The following BZW2 variants were observed in gnomAD, a reference collection of about 807,000 sequenced individuals.
BZW2 encodes the protein eIF5-mimic protein 1.
A neutral mutation model predicts 53.2 loss-of-function variants in BZW2; 23 were observed. That is an observed-to-expected ratio of 0.43 (90% CI 0.31 to 0.61). The LOEUF (loss-of-function observed/expected upper bound fraction) is 0.61, where lower values mean the gene tolerates loss of function less well. BZW2 is among the 20% of genes least tolerant of loss of function. BZW2 has a pLI of 0.09. For missense variants in BZW2, 409 were observed against 503.1 expected, an observed-to-expected ratio of 0.81 and a Z score of 1.79; for synonymous variants, 227 against 186.4, an observed-to-expected ratio of 1.22 and a Z score of -1.77.
chr7:16,695,120 GTC>G, intron 8 of BZW2, 116 bp downstream of exon 8: 1 of 979,912 alleles, frequency 1.0e-6, no homozygotes, highest in East Asian at 2.8e-5. Flanking sequence ...TGTAAACTTT[GTC>G]CACTTATTCC....
intron 1 of BZW2, among the ~76,000 whole-genome samples, chr7:16,647,820 C>T (rs538482850): frequency 9.2e-5 from 14 of 152,338 alleles, no homozygotes; most frequent in Admixed American, 3.3e-4. Context: ...ATCTTACCAG[C>T]AGATGCATAC....
At chr7:16,661,661 G>A (rs539049389) in intron 1 of BZW2, among the ~76,000 whole-genome samples, 22 of 151,948 alleles carry the variant, frequency 1.4e-4, no homozygotes, top group African/African-American at 4.1e-4. Context: ...TATTCTTATC[G>A]CCTTCTTTTA....
At chr7:16,700,405 T>C (rs2128370531) in intron 10 of BZW2, among the ~76,000 whole-genome samples, 1 of 152,298 alleles carries the variant, frequency 6.6e-6, no homozygotes, top group South Asian at 2.1e-4. Flanking sequence ...CCAGGAGACA[T>C]GTATTTGATT....
rs146833365 is a variant in BZW2 at position 16,665,480 on chromosome 7, C to A, written c.37C>A (p.Arg13=). Residue 13 remains arginine (R), a synonymous_variant, in exon 2 of 12, where the codon CGG becomes AGG. Transcript: ENST00000258761. ...TCAGAAGCCAGTGCTAACAGGCCAGCGGTTCAAAACTCGGAAAAGGGGTAG... is the reference window on the plus strand; with the variant it reads ...TCAGAAGCCAGTGCTAACAGGCCAGAGGTTCAAAACTCGGAAAAGGGGTAG... The part of the protein sequence containing the change: ...KHQKPVLTGQ[R]FKTRKRDEKE... 2.4e-4 allele frequency: 395 copies of A among 1,613,770 alleles called. No individual in the cohort carries two copies. Among genetic ancestry groups the A allele is most frequent in the Non-Finnish European group, 3.2e-4 (372 of 1,179,974 alleles).
intron 10 of BZW2, among the ~76,000 whole-genome samples, chr7:16,704,276 A>G (rs1320984215): frequency 6.6e-6 from 1 of 152,186 alleles, no homozygotes; most frequent in African/African-American, 2.4e-5. Context: ...TAGCACTGTG[A>G]GAGATTTCCA....
At chr7:16,665,362 C>A in intron 1 of BZW2, 75 bp from the exon 2 acceptor site, 1 of 1,565,524 alleles carries the variant, frequency 6.4e-7, no homozygotes, top group Non-Finnish European at 8.8e-7. Context: ...TATGTTCAAC[C>A]AAACTTATTG....
Position 16,683,961 on chromosome 7 carries a change from T to TA in BZW2, c.405+1117dup, listed in dbSNP as rs1181415857. 3.3e-5 allele frequency among the ~76,000 whole-genome samples: 5 copies of TA among 152,320 alleles called. No individual in the cohort carries two copies. The East Asian group carries it at 9.6e-4, about 29-fold the overall frequency. ...AATAGTCATTAAAAGAAATGTTTCT[T>TA]ACATGACCCATGACCCAGCCGTCAT... On this transcript the variant is annotated intron_variant, in intron 5 of 11. Coordinates refer to ENST00000258761, the MANE Select transcript of BZW2 (RefSeq NM_014038.3).
intron 3 of BZW2, among the ~76,000 whole-genome samples, chr7:16,677,070 G>A (rs1357970761): frequency 9.6e-6 from 1 of 104,516 alleles, no homozygotes; most frequent in Admixed American, 8.8e-5. Flanking sequence ...TTTTTTTTTG[G>A]CAGTTGCAAG....
chr7:16,670,340 G>C (rs1406385769), intron 2 of BZW2, among the ~76,000 whole-genome samples: 1 of 152,150 alleles, frequency 6.6e-6, no homozygotes, highest in Non-Finnish European at 1.5e-5. Flanking sequence ...TGAAAACAAA[G>C]TCCTCTGCAT....
At chr7:16,670,674 G>A (rs1782572148) in intron 2 of BZW2, among the ~76,000 whole-genome samples, 1 of 151,922 alleles carries the variant, frequency 6.6e-6, no homozygotes, top group African/African-American at 2.4e-5. Flanking sequence ...GGTTCCTTTT[G>A]TGTAGAAACC....
chr7:16,659,082 C>G (rs995236958), intron 1 of BZW2, among the ~76,000 whole-genome samples: 1 of 150,560 alleles, frequency 6.6e-6, no homozygotes, highest in Non-Finnish European at 1.5e-5. Context: ...GGCAACATGG[C>G]GAAACTCTTA....
chr7:16,677,480 T>C (rs1782801819), intron 3 of BZW2, among the ~76,000 whole-genome samples: 2 of 152,024 alleles, frequency 1.3e-5, no homozygotes. Flanking sequence ...AATTGAGGTG[T>C]AGTAGGGGTT....
intron 3 of BZW2, among the ~76,000 whole-genome samples, chr7:16,678,360 T>C (rs818511): frequency 0.23 from 34,548 of 151,954 alleles, 4,216 homozygotes; most frequent in East Asian, 0.38. Flanking sequence ...GTTCTTAAAA[T>C]AGCAGCTATC....
chr7:16,689,807 C>G lies in BZW2; in HGVS notation c.552C>G (p.Ala184=), dbSNP rs370591549. 2 of 1,605,772 alleles carry G rather than the reference C, an allele frequency of 1.2e-6. No individual in the cohort carries two copies. Among genetic ancestry groups the G allele is most frequent in the African/African-American group, 2.7e-5 (2 of 74,776 alleles). Residue 184 remains alanine, a synonymous_variant, in exon 7 of 12, where the codon GCC becomes GCG. Coordinates refer to ENST00000258761, the MANE Select transcript of BZW2 (RefSeq NM_014038.3). ...TTTGTTTTTCAACAGGCATTGCGGC[C>G]TCATTTGCTGTCAAGCTTTTCAAAG... The part of the protein sequence containing the change: ...TDSLVKEGIA[A]SFAVKLFKAW...
chr7:16,662,839 G>T lies in BZW2; in HGVS notation c.-7-2598G>T, dbSNP rs866324877. Among the ~76,000 whole-genome samples, 9 of 152,128 alleles carry T rather than the reference G, an allele frequency of 5.9e-5. 1 individual carries two copies. Among genetic ancestry groups the T allele is most frequent in the South Asian group, 4.1e-4 (2 of 4,830 alleles). On this transcript the variant is annotated intron_variant, in intron 1 of 11. Coordinates refer to ENST00000258761, the MANE Select transcript of BZW2 (RefSeq NM_014038.3). ...GGAAAGAAAGAAGAAAAACATCTTTGGCAGAGAAGTCTGCTGGAGAGATTT... is the reference window on the plus strand; with the variant it reads ...GGAAAGAAAGAAGAAAAACATCTTTTGCAGAGAAGTCTGCTGGAGAGATTT...
chr7:16,699,645 A>C (rs978970697), intron 10 of BZW2, among the ~76,000 whole-genome samples: 11 of 152,072 alleles, frequency 7.2e-5, no homozygotes, highest in African/African-American at 2.7e-4. Flanking sequence ...TCGTTGTCGG[A>C]GTCTCATCTT....
Position 16,663,332 on chromosome 7 carries a change from A to G in BZW2, c.-7-2105A>G, listed in dbSNP as rs28702613. ...CCTTCCTAGTGAGTTTCTCGAGGGC[A>G]TGGATTCTGGCTTAATAACCTTTGT... On this transcript the variant is annotated intron_variant, in intron 1 of 11. Transcript: ENST00000258761. 3.0e-3 allele frequency among the ~76,000 whole-genome samples: 457 copies of G among 152,302 alleles called. 6 individuals are homozygous for G. The highest frequency in any genetic ancestry group is 0.01 in the Middle Eastern group (3 of 294).
Position 16,683,715 on chromosome 7 carries a change from G to A in BZW2, c.405+870G>A, listed in dbSNP as rs545696540. Among the ~76,000 whole-genome samples, 3 of 152,166 alleles carry A rather than the reference G, an allele frequency of 2.0e-5. No homozygotes were observed. The South Asian group carries it at 6.2e-4, about 32-fold the overall frequency. ...ATTTGTAACTCCTGTATTTATATAT[G>A]GCACCCACTACCTTTACTTGTTTCA... On this transcript the variant is annotated intron_variant, in intron 5 of 11. Coordinates refer to ENST00000258761, the MANE Select transcript of BZW2 (RefSeq NM_014038.3).
intron 2 of BZW2, among the ~76,000 whole-genome samples, chr7:16,673,911 T>G (rs1415056361): frequency 2.0e-5 from 3 of 152,096 alleles, no homozygotes; most frequent in Admixed American, 2.0e-4. Flanking sequence ...TATTTTTAAT[T>G]TTTTTGAGAC....
Sources: gnomAD v4.1 joint callset for allele counts (sites outside exome capture counted in the v4.1 genomes callset) on GRCh38, gnomAD v4.1.1 for gene constraint, MANE v1.5 for transcripts, NCBI Gene and HGNC (gene_info 2026-07-23, HGNC 2026-07-21) for gene names.